Variants in NAA35 observed in about 807,000 individuals in gnomAD.
NAA35 encodes the protein N-alpha-acetyltransferase 35, NatC auxiliary subunit, also known as MAK10 homolog, amino-acid N-acetyltransferase subunit.
NAA35 carries 18 observed loss-of-function variants against 101.7 expected under a neutral mutation model. The observed-to-expected ratio is 0.18, with a 90% CI of 0.12 to 0.26. NAA35 has a LOEUF of 0.26. Ranked by LOEUF, NAA35 falls within the 10% of genes least tolerant of loss-of-function variation. NAA35 has a pLI of 1.00. For missense variants in NAA35, 601 were observed against 886.8 expected, an observed-to-expected ratio of 0.68 and a Z score of 4.09; for synonymous variants, 267 against 273.1, an observed-to-expected ratio of 0.98 and a Z score of 0.22.
chr9:85,964,916 T>C (rs534585044), intron 6 of NAA35, among the ~76,000 whole-genome samples: 3 of 152,354 alleles, frequency 2.0e-5, no homozygotes, highest in South Asian at 2.1e-4. Context: ...ACCATAAAAA[T>C]ATCCTACTGA....
At chr9:85,942,590 T>C (rs953715408) in intron 2 of NAA35, among the ~76,000 whole-genome samples, 1 of 152,216 alleles carries the variant, frequency 6.6e-6, no homozygotes, top group African/African-American at 2.4e-5. Context: ...TATTTTTGTA[T>C]GTTTGAGGTT....
In NAA35 at chr9:86,008,771, C is replaced by T. The variant is rs1183438434; in HGVS notation, c.1224-1094C>T. 8.5e-5 allele frequency among the ~76,000 whole-genome samples: 13 copies of T among 152,178 alleles called. No homozygotes were observed. In the East Asian group the frequency reaches 2.5e-3, roughly 29 times the overall value. On this transcript the variant is annotated intron_variant, in intron 14 of 22. Coordinates refer to ENST00000361671, the MANE Select transcript of NAA35 (RefSeq NM_024635.4). ...TGTTATAGATGAGAATCCTCTTTTC[C>T]TTTGTAAGTGATTTGAAACTTCTTC...
chr9:85,942,135 C>A lies in NAA35; in HGVS notation c.-5-20C>A. 1 of 1,607,562 alleles carries A rather than the reference C, an allele frequency of 6.2e-7. No individual in the cohort carries two copies. Among genetic ancestry groups the A allele is most frequent in the Admixed American group, 1.7e-5 (1 of 58,018 alleles). On this transcript the variant is annotated intron_variant, in intron 1 of 22. Coordinates refer to ENST00000361671, the MANE Select transcript of NAA35 (RefSeq NM_024635.4). ...CCTGAAAGCTACATCCTCTCTCTTACATCAGTATTAATTTTACAGGCATAA... is the reference window on the plus strand; with the variant it reads ...CCTGAAAGCTACATCCTCTCTCTTAAATCAGTATTAATTTTACAGGCATAA...
intron 18 of NAA35, among the ~76,000 whole-genome samples, chr9:86,016,984 A>G (rs992558815): frequency 6.6e-6 from 1 of 152,238 alleles, no homozygotes; most frequent in African/African-American, 2.4e-5. Flanking sequence ...ACAGAGCCAG[A>G]TAGCTCAGGA....
At chr9:85,994,174 G>A (rs1360664436) in intron 11 of NAA35, among the ~76,000 whole-genome samples, 2 of 152,112 alleles carry the variant, frequency 1.3e-5, no homozygotes, top group Admixed American at 6.6e-5. Flanking sequence ...TAAATAAAAC[G>A]TAAAGCTTAC....
intron 12 of NAA35, among the ~76,000 whole-genome samples, chr9:86,002,845 A>G (rs565434487): frequency 3.8e-4 from 58 of 152,260 alleles, no homozygotes; most frequent in Non-Finnish European, 7.4e-4. Context: ...CTGTCATTCC[A>G]GCCAGTTCAG....
chr9:85,992,997 C>T lies in NAA35; in HGVS notation c.878-3402C>T, dbSNP rs11141172. On this transcript the variant is annotated intron_variant, in intron 11 of 22. Coordinates refer to ENST00000361671, the MANE Select transcript of NAA35 (RefSeq NM_024635.4). ...AAAATAGATCAATAATATGTTGGTG[C>T]TTTTGATATGTGAATGGATAAGTTA... is the stretch of plus-strand genomic sequence containing the variant. 4.0e-3 allele frequency among the ~76,000 whole-genome samples: 604 copies of T among 152,110 alleles called. 5 individuals are homozygous for T. Among genetic ancestry groups the T allele is most frequent in the African/African-American group, 0.014 (569 of 41,492 alleles).
rs2117889843 is a variant in NAA35, at chr9:85,962,010, T to C, written c.349-3T>C. 2 of 1,599,394 alleles carry C rather than the reference T, an allele frequency of 1.3e-6. No homozygotes were observed. The highest frequency in any genetic ancestry group is 4.5e-5 in the East Asian group (2 of 44,784). On this transcript the variant is annotated splice_polypyrimidine_tract_variant and splice_region_variant and intron_variant, in intron 5 of 22. Transcript: ENST00000361671. ...AAATATATACTCTTTTGTTTCTTTA[T>C]AGATAACGTGGTTAGAAGGCCATTC...
intron 15 of NAA35, among the ~76,000 whole-genome samples, chr9:86,012,589 A>G (rs544151758): frequency 6.6e-6 from 1 of 152,242 alleles, no homozygotes; most frequent in Non-Finnish European, 1.5e-5. Context: ...GGAATGTTAC[A>G]TAGTATTTTA....
At chr9:85,985,535 T>C (rs1830611435) in intron 11 of NAA35, among the ~76,000 whole-genome samples, 1 of 152,168 alleles carries the variant, frequency 6.6e-6, no homozygotes, top group Non-Finnish European at 1.5e-5. Context: ...TGTCCAAAGT[T>C]GGCAAATCCA....
intron 11 of NAA35, among the ~76,000 whole-genome samples, chr9:85,988,964 AT>A (rs1233933635): frequency 6.6e-6 from 1 of 152,236 alleles, no homozygotes; most frequent in Non-Finnish European, 1.5e-5. Context: ...ACAGAAAAAA[AT>A]GTTAGACATT....
At chr9:85,976,955 G>A (rs1830236834) in intron 9 of NAA35, among the ~76,000 whole-genome samples, 1 of 152,062 alleles carries the variant, frequency 6.6e-6, no homozygotes, top group Admixed American at 6.6e-5. Context: ...TTCCTGTGAG[G>A]TAGGAAGAAA....
chr9:85,955,840 A>G (rs1829252856), intron 2 of NAA35, among the ~76,000 whole-genome samples: 1 of 152,194 alleles, frequency 6.6e-6, no homozygotes, highest in South Asian at 2.1e-4. Flanking sequence ...CCTAATATGC[A>G]GCCAAGGTTG....
In NAA35 at chr9:86,007,440, T is replaced by C; in HGVS notation, c.1199T>C (p.Val400Ala). Residue 400 changes from valine to alanine, a missense_variant, in exon 14 of 23, where the codon GTC (valine) becomes GCC (alanine). Coordinates refer to ENST00000361671, the MANE Select transcript of NAA35 (RefSeq NM_024635.4). ...GTGAAAGATGCACTTCGGTCTTTTG[T>C]CAGTCCTCCGGTGCTTTCCCCCAAG... ...DMVKDALRSF[V>A]SPPVLSPKCY... is the part of the protein sequence containing the mutation. The C allele has an allele frequency of 6.2e-7, 1 of 1,613,660 alleles. No individual in the cohort carries two copies. The highest frequency in any genetic ancestry group is 8.5e-7 in the Non-Finnish European group (1 of 1,179,644).
At position 86,023,457 on chromosome 9, in the gene NAA35, G is replaced by C. The variant is rs920094587; in HGVS notation, c.*1497G>C. On this transcript the variant is annotated 3_prime_UTR_variant, in exon 23 of 23. Transcript: ENST00000361671. ...AAAAGAAAAAGCAAAGAGGAAAACAGAATGAGCATGGACATTTGGCAAACA... is the reference window on the plus strand; with the variant it reads ...AAAAGAAAAAGCAAAGAGGAAAACACAATGAGCATGGACATTTGGCAAACA... Among the ~76,000 whole-genome samples the C allele has an allele frequency of 2.0e-5, 3 of 152,222 alleles. No individual in the cohort carries two copies. The highest frequency in any genetic ancestry group is 4.4e-5 in the Non-Finnish European group (3 of 68,022).
intron 2 of NAA35, among the ~76,000 whole-genome samples, 156 bp from the exon 3 acceptor site, chr9:85,956,204 G>T (rs1023185126): frequency 2.6e-5 from 4 of 152,052 alleles, no homozygotes; most frequent in African/African-American, 9.7e-5. Context: ...TGTATAGAAT[G>T]CATTATATTA....
chr9:85,958,394 A>G (rs1046341102), intron 3 of NAA35, 78 bp from the exon 4 acceptor site: 3 of 813,672 alleles, frequency 3.7e-6, no homozygotes, highest in Non-Finnish European at 3.9e-6. Flanking sequence ...AAAGTAGTAT[A>G]ATTTTATACC....
rs1474491850 is a variant in NAA35, at chr9:85,958,605, T to C, written c.273+19T>C. On this transcript the variant is annotated intron_variant, in intron 4 of 22. Coordinates refer to ENST00000361671, the MANE Select transcript of NAA35 (RefSeq NM_024635.4). ...TATCAAGGTAGTTACCATTGTACTT[T>C]TTGTGTTTCCATTTATCTTTTGTTA... 6.6e-7 allele frequency: 1 copy of C among 1,511,358 alleles called. No individual in the cohort carries two copies. Among genetic ancestry groups the C allele is most frequent in the Non-Finnish European group, 9.1e-7 (1 of 1,101,320 alleles). The allele number at this position is 1,511,358 out of a possible 1,614,324, so 93.6% of individuals were successfully genotyped here.
intron 12 of NAA35, among the ~76,000 whole-genome samples, chr9:86,001,061 G>A (rs1017110318): frequency 7.9e-5 from 12 of 152,050 alleles, no homozygotes; most frequent in Admixed American, 6.6e-5. Flanking sequence ...CTTTAGCTGT[G>A]TCCTAGAGAT....
Sources: allele counts gnomAD v4.1 joint callset (sites outside exome capture counted in the v4.1 genomes callset), GRCh38; gene constraint gnomAD v4.1.1; transcripts MANE v1.5; gene names NCBI Gene and HGNC (gene_info 2026-07-23, HGNC 2026-07-21).